The following OXR1 variants were observed in gnomAD, a reference collection of about 807,000 sequenced individuals.
The protein encoded by OXR1 is oxidation resistance 1, also known as oxidation resistance protein 1.
In OXR1, 41 loss-of-function variants were observed where a neutral mutation model predicts 104.6. The observed-to-expected ratio is 0.39, with a 90% confidence interval of 0.31 to 0.51. The LOEUF (loss-of-function observed/expected upper bound fraction) is 0.51, where lower values mean the gene tolerates loss of function less well. OXR1 is among the 20% of genes least tolerant of loss of function. The pLI, the probability that OXR1 is intolerant of heterozygous loss-of-function variation, is 0.77. For synonymous variants in OXR1, 348 were observed against 348.4 expected, an observed-to-expected ratio of 1.00 and a Z score of 0.01; for missense variants, 955 against 1,031.9, an observed-to-expected ratio of 0.93 and a Z score of 1.02.
At chr8:106,460,820 A>G (rs1028794946) in intron 2 of OXR1, among the ~76,000 whole-genome samples, 1 of 152,148 alleles carries the variant, frequency 6.6e-6, no homozygotes, top group African/African-American at 2.4e-5. Flanking sequence ...AAAATCATAG[A>G]CTAATATGAA....
At chr8:106,501,685 C>T (rs1811818577) in intron 2 of OXR1, among the ~76,000 whole-genome samples, 2 of 152,124 alleles carry the variant, frequency 1.3e-5, no homozygotes, top group Admixed American at 6.5e-5. Flanking sequence ...AAAATCCTTT[C>T]CATGTAAATA....
rs544087276 is a variant in OXR1, at chr8:106,454,959, A to G, written c.24-63984A>G. On this transcript the variant is annotated intron_variant, in intron 2 of 16. Transcript: ENST00000517566. Reference sequence around the variant, plus strand: ...TATTTGAATACTTCTGACAATTTTTAGTATGCATGTTGAAAGATAAGAACT... The same window carrying G: ...TATTTGAATACTTCTGACAATTTTTGGTATGCATGTTGAAAGATAAGAACT... 1.0e-3 allele frequency among the ~76,000 whole-genome samples: 159 copies of G among 152,310 alleles called. 1 individual carries two copies. Among genetic ancestry groups the G allele is most frequent in the African/African-American group, 3.8e-3 (157 of 41,576 alleles).
chr8:106,727,595 T>A (rs1194812677), intron 11 of OXR1, among the ~76,000 whole-genome samples: 1 of 152,058 alleles, frequency 6.6e-6, no homozygotes, highest in Admixed American at 6.6e-5. Context: ...TTTTTTTGTA[T>A]TTTTTATAGA....
intron 1 of OXR1, among the ~76,000 whole-genome samples, chr8:106,342,504 C>T (rs1815299419): frequency 6.6e-6 from 1 of 152,122 alleles, no homozygotes; most frequent in Non-Finnish European, 1.5e-5. Context: ...ATCCACCTGC[C>T]TCGGCCTCCC....
At chr8:106,393,422 T>C (rs188021223) in intron 2 of OXR1, among the ~76,000 whole-genome samples, 8 of 152,290 alleles carry the variant, frequency 5.3e-5, no homozygotes, top group Admixed American at 1.3e-4. Flanking sequence ...AAGTTTTTAT[T>C]CAAACTGCTA....
intron 1 of OXR1, among the ~76,000 whole-genome samples, chr8:106,330,150 T>C (rs1814650422): frequency 6.6e-6 from 1 of 152,192 alleles, no homozygotes; most frequent in Non-Finnish European, 1.5e-5. Context: ...CTGAACAGTA[T>C]AAAGTTAGTA....
At chr8:106,272,617 G>A (rs1304644320) in intron 1 of OXR1, 1 of 152,230 alleles carries the variant, frequency 6.6e-6, no homozygotes, top group Non-Finnish European at 1.5e-5. Context: ...CAAGAGCGAG[G>A]ACAGCATGGT....
chr8:106,665,215 G>A (rs567084465), intron 3 of OXR1, among the ~76,000 whole-genome samples: 28 of 151,830 alleles, frequency 1.8e-4, no homozygotes, highest in Admixed American at 8.5e-4. Flanking sequence ...ACACACACAC[G>A]CACACAAACA....
chr8:106,323,642 A>G (rs1241719316), intron 1 of OXR1, among the ~76,000 whole-genome samples: 1 of 152,222 alleles, frequency 6.6e-6, no homozygotes, highest in Non-Finnish European at 1.5e-5. Flanking sequence ...AGCATTTATA[A>G]GGAACTTAAA....
chr8:106,447,276 T>A (rs1330938134), intron 2 of OXR1, among the ~76,000 whole-genome samples: 2 of 152,190 alleles, frequency 1.3e-5, no homozygotes, highest in Non-Finnish European at 2.9e-5. Flanking sequence ...ATTAATCTAC[T>A]TTATCTGATT....
chr8:106,483,504 C>T (rs1240796915), intron 2 of OXR1, among the ~76,000 whole-genome samples: 2 of 151,850 alleles, frequency 1.3e-5, no homozygotes, highest in Non-Finnish European at 2.9e-5. Context: ...TGAGGCAAGC[C>T]TGAGTGAGAC....
chr8:106,587,654 G>C (rs550802690), intron 3 of OXR1, among the ~76,000 whole-genome samples: 1 of 152,168 alleles, frequency 6.6e-6, no homozygotes, highest in Non-Finnish European at 1.5e-5. Context: ...TGGTTGAGGC[G>C]TGCTCACACC....
chr8:106,582,864 TGTCACA>T (rs1458625209), intron 3 of OXR1, among the ~76,000 whole-genome samples: 2 of 152,306 alleles, frequency 1.3e-5, no homozygotes, highest in South Asian at 2.1e-4. Context: ...ACCAAACCAA[TGTCACA>T]GTCTCTTGGC....
At position 106,291,386 on chromosome 8, in the gene OXR1, A is replaced by G. The variant is rs553530563; in HGVS notation, c.-139+21019A>G. On this transcript the variant is annotated intron_variant, in intron 1 of 16. Coordinates refer to ENST00000517566, the MANE Select transcript of OXR1 (RefSeq NM_001198533.2). ...ACCCATGTAGCAAACTTGCATTTGTACTCCAGTACCTAAAATAAAAGTACA... is the reference window on the plus strand; with the variant it reads ...ACCCATGTAGCAAACTTGCATTTGTGCTCCAGTACCTAAAATAAAAGTACA... 1.5e-4 allele frequency among the ~76,000 whole-genome samples: 23 copies of G among 152,224 alleles called. No homozygotes were observed. In the East Asian group the frequency reaches 4.3e-3, roughly 28 times the overall value.
intron 2 of OXR1, among the ~76,000 whole-genome samples, chr8:106,409,563 A>G (rs751648382): frequency 3.3e-5 from 5 of 152,218 alleles, no homozygotes; most frequent in Non-Finnish European, 7.3e-5. Context: ...TGTAAAAAAT[A>G]ATGAACAAAA....
chr8:106,303,769 C>G (rs924977026), intron 1 of OXR1, among the ~76,000 whole-genome samples: 2 of 152,074 alleles, frequency 1.3e-5, no homozygotes, highest in South Asian at 2.1e-4. Context: ...GGCTTCCTTT[C>G]CAATACCCTT....
chr8:106,635,175 T>C (rs1823025414), intron 3 of OXR1, among the ~76,000 whole-genome samples: 1 of 152,232 alleles, frequency 6.6e-6, no homozygotes, highest in Admixed American at 6.5e-5. Flanking sequence ...GGTGTGATAA[T>C]GGTGCCTCCT....
chr8:106,678,489 G>A (rs1158184155), intron 3 of OXR1, among the ~76,000 whole-genome samples: 1 of 151,756 alleles, frequency 6.6e-6, no homozygotes, highest in African/African-American at 2.4e-5. Flanking sequence ...TTATGTTTAG[G>A]TAGGAGTGGT....
At chr8:106,480,739 A>G (rs1190590062) in intron 2 of OXR1, among the ~76,000 whole-genome samples, 1 of 151,982 alleles carries the variant, frequency 6.6e-6, no homozygotes, top group African/African-American at 2.4e-5. Context: ...AAATTTATAC[A>G]GTCACATAAG....
Sources: gnomAD v4.1 joint callset for allele counts (sites outside exome capture counted in the v4.1 genomes callset) on GRCh38, gnomAD v4.1.1 for gene constraint, MANE v1.5 for transcripts, NCBI Gene and HGNC (gene_info 2026-07-23, HGNC 2026-07-21) for gene names.